The following PALD1 variants were observed in gnomAD, a reference collection of about 807,000 sequenced individuals.
PALD1 encodes phosphatase domain containing paladin 1, also known as paladin.
In PALD1, 57 loss-of-function variants were observed where a neutral mutation model predicts 96.0. That is an observed-to-expected ratio of 0.59 (90% CI 0.48 to 0.74). The LOEUF is 0.74. Among genes scored for constraint, PALD1 ranks in the 30% least tolerant of loss-of-function variants. The pLI, the probability that PALD1 is intolerant of heterozygous loss-of-function variation, is 0.00. For missense variants in PALD1, 1,063 were observed against 1,143.7 expected (o/e 0.93, Z 1.02); for synonymous variants, 464 against 473.6 (o/e 0.98, Z 0.26).
At chr10:70,458,523 A>G in the PALD1 span, among the ~76,000 whole-genome samples, 2 of 152,196 alleles carry the variant, frequency 1.3e-5, no homozygotes, top group Non-Finnish European at 2.9e-5. Context: ...TCAGCCGAAG[A>G]GCAGACGGGC....
intron 17 of PALD1, among the ~76,000 whole-genome samples, chr10:70,544,352 C>T (rs1413093118): frequency 1.3e-5 from 2 of 152,062 alleles, no homozygotes; most frequent in East Asian, 1.9e-4. Context: ...GGTGGGGGCC[C>T]ATATTGTGAA....
At chr10:70,512,058 G>A (rs565899040) in intron 1 of PALD1, among the ~76,000 whole-genome samples, 100 of 152,218 alleles carry the variant, frequency 6.6e-4, no homozygotes, top group African/African-American at 1.8e-3. Context: ...TGAATCCACC[G>A]TGAGGACAGA....
At chr10:70,464,212 C>CTTTT in the PALD1 span, among the ~76,000 whole-genome samples, 19 of 132,852 alleles carry the variant, frequency 1.4e-4, no homozygotes, top group East Asian at 6.7e-4. Context: ...TTGTATCTGG[C>CTTTT]TTTTTTTTTT....
At chr10:70,522,039 G>T (rs1846747299) in intron 1 of PALD1, among the ~76,000 whole-genome samples, 1 of 152,134 alleles carries the variant, frequency 6.6e-6, no homozygotes, top group African/African-American at 2.4e-5. Context: ...GCACTAATAA[G>T]ATAACCCATT....
At chr10:70,543,126 G>A (rs578003972) in intron 17 of PALD1, among the ~76,000 whole-genome samples, 8 of 139,090 alleles carry the variant, frequency 5.8e-5, no homozygotes, top group Non-Finnish European at 1.2e-4. Flanking sequence ...TTGTGGCTTT[G>A]ATTTGCATTT....
At chr10:70,469,421 C>T in the PALD1 span, among the ~76,000 whole-genome samples, 6 of 152,112 alleles carry the variant, frequency 3.9e-5, no homozygotes, top group Non-Finnish European at 7.4e-5. Context: ...ATGCTTATCT[C>T]AGATTGTCTG....
intron 18 of PALD1, among the ~76,000 whole-genome samples, chr10:70,547,707 C>T (rs1197033331): frequency 6.6e-6 from 1 of 152,194 alleles, no homozygotes; most frequent in Non-Finnish European, 1.5e-5. Flanking sequence ...CATTCAACAA[C>T]TGCTGTGGCC....
intron 18 of PALD1, 93 bp from the exon 19 acceptor site, chr10:70,564,271 C>T (rs987730828): frequency 3.7e-6 from 5 of 1,334,568 alleles, no homozygotes. Context: ...GCTGGATCAC[C>T]CTGCCCTGGC....
rs781513750 is a variant in PALD1, at chr10:70,557,930, CTT to C, written c.2263-6415_2263-6414del. ...CTGAACCTGGCCTTGTTGGCTCTTC[CTT>C]TTTTTTTTTTTTTTTTTTAGAGACA... On this transcript the variant is annotated intron_variant, in intron 18 of 19. Coordinates refer to ENST00000263563, the MANE Select transcript of PALD1 (RefSeq NM_014431.3). Among the ~76,000 whole-genome samples, 68 of 92,878 alleles carry C rather than the reference CTT, an allele frequency of 7.3e-4. 1 individual carries two copies. The highest frequency in any genetic ancestry group is 1.8e-3 in the Admixed American group (13 of 7,028). The allele number at this position is 92,878 out of a possible 152,430, so 60.9% of individuals were successfully genotyped here. A position where few individuals can be genotyped will look rare whatever the true frequency, so the allele number is the denominator to read the frequency against.
At chr10:70,488,703 C>T (rs907793748) in intron 1 of PALD1, among the ~76,000 whole-genome samples, 1 of 152,194 alleles carries the variant, frequency 6.6e-6, no homozygotes, top group Non-Finnish European at 1.5e-5. Context: ...GTTCTGAGCA[C>T]ATGCCCTGAG....
At chr10:70,491,146 C>G (rs555485967) in intron 1 of PALD1, among the ~76,000 whole-genome samples, 1 of 152,250 alleles carries the variant, frequency 6.6e-6, no homozygotes, top group East Asian at 1.9e-4. Context: ...GGGGTTTCAC[C>G]ATGTTAGCCA....
chr10:70,496,599 G>A lies in PALD1; in HGVS notation c.-30+17540G>A, dbSNP rs552490109. On this transcript the variant is annotated intron_variant, in intron 1 of 19. Transcript: ENST00000263563. The stretch of plus-strand genomic sequence containing the variant: ...CCGTGTCGCTGCAGGTATCAGTATC[G>A]TTCATTTCATTGCTGAGTAGGGTTC... Among the ~76,000 whole-genome samples, 3 of 152,260 alleles carry A rather than the reference G, an allele frequency of 2.0e-5. No individual in the cohort carries two copies. The South Asian group carries it at 6.2e-4, about 32-fold the overall frequency.
At chr10:70,524,531 A>C (rs1334853999) in intron 1 of PALD1, among the ~76,000 whole-genome samples, 3 of 152,222 alleles carry the variant, frequency 2.0e-5, no homozygotes, top group Non-Finnish European at 1.5e-5. Flanking sequence ...GAAAAATTAG[A>C]AAATACAGAT....
chr10:70,538,508 C>A (rs918794998), intron 12 of PALD1, 100 bp downstream of exon 12: 3 of 1,258,898 alleles, frequency 2.4e-6, no homozygotes, highest in African/African-American at 3.0e-5. Context: ...ATTGCCCTTG[C>A]AGGAGGTGAA....
intron 1 of PALD1, among the ~76,000 whole-genome samples, chr10:70,495,570 TTG>T (rs1846180935): frequency 6.6e-6 from 1 of 151,956 alleles, no homozygotes; most frequent in Non-Finnish European, 1.5e-5. Flanking sequence ...GGAGGGGTGT[TTG>T]TGTTGTCCTG....
At chr10:70,508,843 C>CTGTGTGTGTATGTGTG (rs1554855653) in intron 1 of PALD1, among the ~76,000 whole-genome samples, 1 of 94,570 alleles carries the variant, frequency 1.1e-5, no homozygotes, top group East Asian at 2.8e-4. Flanking sequence ...GCTGCGGAAC[C>CTGTGTGTGTATGTGTG]TGTGTGTGTG....
intron 18 of PALD1, among the ~76,000 whole-genome samples, chr10:70,552,213 C>T (rs1300660777): frequency 1.3e-5 from 2 of 152,186 alleles, no homozygotes; most frequent in Admixed American, 6.5e-5. Flanking sequence ...GGCATTTTGT[C>T]GTGTTTGCTG....
the PALD1 span, among the ~76,000 whole-genome samples, chr10:70,460,056 G>C: frequency 1.3e-5 from 2 of 152,190 alleles, no homozygotes; most frequent in Admixed American, 6.5e-5. Flanking sequence ...CTCCAGCCCT[G>C]CCTGGCCGCA....
At chr10:70,477,946 T>G (rs958384149), upstream of PALD1, among the ~76,000 whole-genome samples, 3 of 151,958 alleles carry the variant, frequency 2.0e-5, no homozygotes, top group African/African-American at 7.3e-5. Flanking sequence ...CGCACGTGGG[T>G]GCGTTCACCC....
Sources: gnomAD v4.1 joint callset for allele counts (sites outside exome capture counted in the v4.1 genomes callset) on GRCh38, gnomAD v4.1.1 for gene constraint, MANE v1.5 for transcripts, NCBI Gene and HGNC (gene_info 2026-07-23, HGNC 2026-07-21) for gene names.